Variants in TSPAN5 observed in about 807,000 individuals in gnomAD.
TSPAN5 encodes tetraspanin-5.
Under a neutral mutation model 37.1 loss-of-function variants are expected in TSPAN5, and 10 were observed. That is an observed-to-expected ratio of 0.27 (90% CI 0.17 to 0.46). The LOEUF (loss-of-function observed/expected upper bound fraction) is 0.46, where lower values mean the gene tolerates loss of function less well. TSPAN5 is among the 20% of genes least tolerant of loss of function. TSPAN5 has a pLI of 1.00. For missense variants in TSPAN5, 195 were observed against 326.6 expected (o/e 0.60, Z 3.11); for synonymous variants, 110 against 118.9 (o/e 0.93, Z 0.48).
chr4:98,525,310 A>G (rs1289298457), intron 1 of TSPAN5, among the ~76,000 whole-genome samples: 1 of 152,122 alleles, frequency 6.6e-6, no homozygotes, highest in African/African-American at 2.4e-5. Flanking sequence ...CATTGTGCAG[A>G]GTTTGCACAT....
At chr4:98,527,998 C>T (rs1753997896) in intron 1 of TSPAN5, among the ~76,000 whole-genome samples, 1 of 152,138 alleles carries the variant, frequency 6.6e-6, no homozygotes, top group Non-Finnish European at 1.5e-5. Context: ...TTGAAAGCAT[C>T]CCTCACAACA....
intron 1 of TSPAN5, among the ~76,000 whole-genome samples, chr4:98,625,642 A>C (rs969150596): frequency 1.3e-5 from 2 of 152,184 alleles, no homozygotes; most frequent in Non-Finnish European, 2.9e-5. Context: ...AATACGACTC[A>C]CTTGCTATTA....
chr4:98,520,539 A>G (rs1301509915), intron 1 of TSPAN5, among the ~76,000 whole-genome samples: 1 of 152,218 alleles, frequency 6.6e-6, no homozygotes, highest in Non-Finnish European at 1.5e-5. Context: ...AATGTGTTCC[A>G]AAGACCATCA....
chr4:98,504,784 C>A (rs1753436749), intron 2 of TSPAN5, among the ~76,000 whole-genome samples: 4 of 152,192 alleles, frequency 2.6e-5, no homozygotes, highest in Admixed American at 2.6e-4. Flanking sequence ...GTATTCCACA[C>A]ATGTCAAATA....
At chr4:98,490,550 T>C (rs1295864192) in intron 2 of TSPAN5, among the ~76,000 whole-genome samples, 1 of 152,160 alleles carries the variant, frequency 6.6e-6, no homozygotes, top group Non-Finnish European at 1.5e-5. Flanking sequence ...AAGATAGAGC[T>C]GCAAACAGAT....
At chr4:98,556,712 T>C (rs1257103167) in intron 1 of TSPAN5, among the ~76,000 whole-genome samples, 1 of 152,212 alleles carries the variant, frequency 6.6e-6, no homozygotes, top group African/African-American at 2.4e-5. Context: ...GAGAAAAACA[T>C]GAAACTGAAA....
intron 1 of TSPAN5, among the ~76,000 whole-genome samples, chr4:98,522,965 GAGCCCACAGA>G (rs1259500242): frequency 1.3e-5 from 2 of 152,158 alleles, no homozygotes; most frequent in African/African-American, 4.8e-5. Context: ...GCTTAACACA[GAGCCCACAGA>G]AGCCACCGAA....
At chr4:98,534,536 T>C (rs1754188773) in intron 1 of TSPAN5, among the ~76,000 whole-genome samples, 1 of 152,234 alleles carries the variant, frequency 6.6e-6, no homozygotes. Flanking sequence ...TTAGGTCCGC[T>C]TGGTCCAGAG....
rs10680446 is a variant in TSPAN5 at position 98,528,414 on chromosome 4, A to AT, written c.82-20687dup. ...CCAAAATAATTAAATGTAACAGATGATTTTTTTTTTTTTTTTTGCTGTCAC... is the reference window on the plus strand; with the variant it reads ...CCAAAATAATTAAATGTAACAGATGATTTTTTTTTTTTTTTTTTGCTGTCAC... On this transcript the variant is annotated intron_variant, in intron 1 of 7. Coordinates refer to ENST00000305798, the MANE Select transcript of TSPAN5 (RefSeq NM_005723.4). Among the ~76,000 whole-genome samples, 202 of 143,774 alleles carry AT rather than the reference A, an allele frequency of 1.4e-3. 4 individuals carry two copies. Among genetic ancestry groups the AT allele is most frequent in the Middle Eastern group, 3.7e-3 (1 of 268 alleles). 94.3% of individuals were successfully genotyped at this position (143,774 alleles called of 152,430 possible). A position where few individuals can be genotyped will look rare whatever the true frequency, so the allele number is the denominator to read the frequency against.
At chr4:98,510,537 A>G (rs779909392) in intron 1 of TSPAN5, among the ~76,000 whole-genome samples, 2 of 152,214 alleles carry the variant, frequency 1.3e-5, no homozygotes, top group Non-Finnish European at 2.9e-5. Flanking sequence ...TCCTTTTTAA[A>G]TAAAGTTTTC....
At chr4:98,510,008 T>G (rs760400643) in intron 1 of TSPAN5, 8 of 152,230 alleles carry the variant, frequency 5.3e-5, no homozygotes, top group Non-Finnish European at 1.0e-4. Flanking sequence ...CTGTCCCTCC[T>G]GCTGCTGATG....
intron 1 of TSPAN5, among the ~76,000 whole-genome samples, chr4:98,609,272 G>A (rs1237454401): frequency 1.3e-5 from 2 of 152,086 alleles, no homozygotes; most frequent in African/African-American, 4.8e-5. Flanking sequence ...GGATTTGCTG[G>A]GGGTGAGCTC....
intron 1 of TSPAN5, among the ~76,000 whole-genome samples, chr4:98,525,092 C>T (rs1324506520): frequency 6.6e-6 from 1 of 152,148 alleles, no homozygotes; most frequent in African/African-American, 2.4e-5. Flanking sequence ...AAACAGCTTT[C>T]CTAAATTAAA....
rs151223401 is a variant in TSPAN5, at chr4:98,584,483, A to G, written c.81+73663T>C. On this transcript the variant is annotated intron_variant, in intron 1 of 7. Coordinates refer to ENST00000305798, the MANE Select transcript of TSPAN5 (RefSeq NM_005723.4). ...TGAATGAGCAAACAAATACACTGTCAGTGCTTGAGTCAGCAGGTAAGAAAA... is the reference window on the plus strand; with the variant it reads ...TGAATGAGCAAACAAATACACTGTCGGTGCTTGAGTCAGCAGGTAAGAAAA... 1.6e-4 allele frequency among the ~76,000 whole-genome samples: 25 copies of G among 152,366 alleles called. No homozygotes were observed. The East Asian group carries it at 4.6e-3, about 28-fold the overall frequency.
Position 98,476,473 on chromosome 4 carries a change from G to A in TSPAN5, c.577-13C>T. ...TGATGACATCTTCCTGGTGAAGAAA[G>A]GAAAGAGAAAAGTGAAATTTACTCA... On this transcript the variant is annotated splice_polypyrimidine_tract_variant and intron_variant, in intron 5 of 7. Transcript: ENST00000305798. 2 of 1,613,860 alleles carry A rather than the reference G, an allele frequency of 1.2e-6. No homozygotes were observed. The highest frequency in any genetic ancestry group is 1.7e-6 in the Non-Finnish European group (2 of 1,179,962).
intron 1 of TSPAN5, among the ~76,000 whole-genome samples, chr4:98,562,309 G>A (rs1232809249): frequency 6.6e-6 from 1 of 152,190 alleles, no homozygotes; most frequent in Non-Finnish European, 1.5e-5. Flanking sequence ...CAATGGCCCA[G>A]GCCTCAGGAG....
intron 1 of TSPAN5, among the ~76,000 whole-genome samples, chr4:98,584,200 T>C (rs987889855): frequency 1.3e-5 from 2 of 152,164 alleles, no homozygotes; most frequent in African/African-American, 4.8e-5. Flanking sequence ...CTCTGCCTCC[T>C]GAGTAGCTGG....
intron 1 of TSPAN5, among the ~76,000 whole-genome samples, chr4:98,542,788 T>G (rs150958542): frequency 2.1e-4 from 31 of 149,418 alleles, no homozygotes; most frequent in African/African-American, 7.4e-4. Flanking sequence ...TTGAATGAGG[T>G]GTGACGGAGA....
chr4:98,653,129 G>A (rs963715227), intron 1 of TSPAN5, among the ~76,000 whole-genome samples: 4 of 152,186 alleles, frequency 2.6e-5, no homozygotes, highest in East Asian at 1.9e-4. Flanking sequence ...GGTTGCCATC[G>A]AAGCTAACAG....
Sources: gnomAD v4.1 joint callset for allele counts (sites outside exome capture counted in the v4.1 genomes callset) on GRCh38, gnomAD v4.1.1 for gene constraint, MANE v1.5 for transcripts, NCBI Gene and HGNC (gene_info 2026-07-23, HGNC 2026-07-21) for gene names.